The following PTGIS variants were observed in gnomAD, a reference collection of about 807,000 sequenced individuals.
PTGIS encodes prostacyclin synthase.
In PTGIS, 45 loss-of-function variants were observed where a neutral mutation model predicts 50.3. That is an observed-to-expected ratio of 0.90 (90% CI 0.70 to 1.15). The LOEUF is 1.15. PTGIS is among the 50% of genes most tolerant of loss of function. The probability of loss-of-function intolerance (pLI) is 0.00; values close to 1 mark genes in which losing one functional copy is unlikely to be tolerated. For synonymous variants in PTGIS, 260 were observed against 267.7 expected (o/e 0.97, Z 0.28); for missense variants, 668 against 661.3 (o/e 1.01, Z -0.11).
At chr20:49,521,430 T>A (rs745689125) in intron 6 of PTGIS, among the ~76,000 whole-genome samples, 1 of 152,150 alleles carries the variant, frequency 6.6e-6, no homozygotes, top group Non-Finnish European at 1.5e-5. Context: ...TCAGAGGACA[T>A]CTTGTCCCCA....
intron 6 of PTGIS, among the ~76,000 whole-genome samples, chr20:49,523,196 AT>A (rs1485115371): frequency 2.0e-5 from 3 of 152,240 alleles, no homozygotes; most frequent in Non-Finnish European, 4.4e-5. Flanking sequence ...ATTTGGGCTC[AT>A]TATCCTGAAA....
intron 6 of PTGIS, among the ~76,000 whole-genome samples, chr20:49,518,920 C>T (rs1981570522): frequency 6.6e-6 from 1 of 152,184 alleles, no homozygotes; most frequent in African/African-American, 2.4e-5. Flanking sequence ...CTCAGGACCA[C>T]CCAGGAATTT....
intron 6 of PTGIS, among the ~76,000 whole-genome samples, chr20:49,522,674 A>T (rs1981681534): frequency 6.6e-6 from 1 of 152,210 alleles, no homozygotes; most frequent in Non-Finnish European, 1.5e-5. Context: ...TGGTCTGCAC[A>T]CTTCAAAAAA....
chr20:49,562,836 G>T (rs906796822), intron 1 of PTGIS, among the ~76,000 whole-genome samples: 7 of 152,206 alleles, frequency 4.6e-5, no homozygotes, highest in African/African-American at 1.7e-4. Flanking sequence ...TCAAGGATGG[G>T]ATGTCACCCG....
At chr20:49,542,896 T>G (rs748831) in intron 4 of PTGIS, among the ~76,000 whole-genome samples, 3,172 of 152,150 alleles carry the variant, frequency 0.021, 107 homozygotes, top group African/African-American at 0.073. Flanking sequence ...AAATGGAATA[T>G]GTAAAGTCCT....
intron 6 of PTGIS, among the ~76,000 whole-genome samples, chr20:49,518,668 C>A (rs1318347962): frequency 3.5e-4 from 50 of 144,534 alleles, no homozygotes; most frequent in South Asian, 2.0e-3. Flanking sequence ...AAAAAAAAAA[C>A]AAACAAAAAA....
At position 49,558,319 on chromosome 20, in the gene PTGIS, G is replaced by C. The variant is rs1982672683; in HGVS notation, c.75-8130C>G. ...TTGGGGGATCACTTGAGCCTGGGAG[G>C]TGGAAGCTATAATGAGCTGTGACTG... On this transcript the variant is annotated intron_variant, in intron 1 of 9. Transcript: ENST00000244043. 3.3e-5 allele frequency among the ~76,000 whole-genome samples: 5 copies of C among 152,166 alleles called. No homozygotes were observed. In the South Asian group the frequency reaches 1.0e-3, roughly 32 times the overall value.
At chr20:49,523,095 T>C (rs1182915333) in intron 6 of PTGIS, among the ~76,000 whole-genome samples, 6 of 152,106 alleles carry the variant, frequency 3.9e-5, no homozygotes, top group Non-Finnish European at 7.4e-5. Context: ...TGATTCTGGA[T>C]TGGATGCTGG....
intron 6 of PTGIS, among the ~76,000 whole-genome samples, chr20:49,517,453 AGTGTGTGT>A (rs34021649): frequency 4.9e-4 from 73 of 149,252 alleles, no homozygotes; most frequent in African/African-American, 1.5e-3. Context: ...TGTGAGTGTG[AGTGTGTGT>A]GTGTGTGTGT....
At chr20:49,561,078 C>T (rs1982762609) in intron 1 of PTGIS, among the ~76,000 whole-genome samples, 1 of 152,146 alleles carries the variant, frequency 6.6e-6, no homozygotes, top group African/African-American at 2.4e-5. Flanking sequence ...CTGAGTCTCC[C>T]ACTTTCAGCA....
intron 5 of PTGIS, among the ~76,000 whole-genome samples, chr20:49,532,483 C>A (rs1424004264): frequency 6.6e-6 from 1 of 152,134 alleles, no homozygotes; most frequent in East Asian, 1.9e-4. Flanking sequence ...CTCAGCATCT[C>A]AGTTTTCTTG....
chr20:49,540,916 G>A lies in PTGIS; in HGVS notation c.522-1195C>T, dbSNP rs1435208407. On this transcript the variant is annotated intron_variant, in intron 4 of 9. Coordinates refer to ENST00000244043, the MANE Select transcript of PTGIS (RefSeq NM_000961.4). This position sits in a 1 kb window ranked among gnomAD's most constrained non-coding sequence, Gnocchi z 4.8. The stretch of plus-strand genomic sequence containing the variant: ...TGGATCCCTGTGCAGACAAAGACCA[G>A]AGACCAGGATCTCTCAGGAGAGGGG... Among the ~76,000 whole-genome samples, 1 of 152,204 alleles carries A rather than the reference G, an allele frequency of 6.6e-6. No homozygotes were observed. Among genetic ancestry groups the A allele is most frequent in the African/African-American group, 2.4e-5 (1 of 41,446 alleles).
intron 5 of PTGIS, among the ~76,000 whole-genome samples, chr20:49,531,769 G>A (rs2122865763): frequency 6.6e-6 from 1 of 152,284 alleles, no homozygotes; most frequent in African/African-American, 2.4e-5. Context: ...TGAGACTACA[G>A]GTGTGAGCCA....
chr20:49,515,428 G>A (rs1981450563), intron 6 of PTGIS, among the ~76,000 whole-genome samples: 1 of 152,150 alleles, frequency 6.6e-6, no homozygotes, highest in Non-Finnish European at 1.5e-5. Context: ...ATGTGTATAT[G>A]GCACCCTTTA....
intron 6 of PTGIS, among the ~76,000 whole-genome samples, chr20:49,519,258 C>T (rs1278566592): frequency 6.6e-6 from 1 of 151,910 alleles, no homozygotes; most frequent in African/African-American, 2.4e-5. Context: ...CCATCACTCT[C>T]GATTCCAGGT....
chr20:49,511,122 T>C lies in PTGIS; in HGVS notation c.1264A>G (p.Lys422Glu), dbSNP rs890890308. Residue 422 changes from lysine (K) to glutamate (E), a missense_variant, in exon 9 of 10, where the codon AAG becomes GAG. Transcript: ENST00000244043. ...TAATTCTTCAGCCGTTTCCCATCCT[T>C]GTAAAAGTCTTTCTTCTCTGATCCG... ...PDGSEKKDFY[K>E]DGKRLKNYNM... is the part of the protein sequence containing the mutation. 10 of 1,614,104 alleles carry C rather than the reference T, an allele frequency of 6.2e-6. No homozygotes were observed. The highest frequency in any genetic ancestry group is 8.5e-6 in the Non-Finnish European group (10 of 1,180,044).
chr20:49,553,499 G>A (rs1427642002), intron 1 of PTGIS, among the ~76,000 whole-genome samples: 1 of 150,656 alleles, frequency 6.6e-6, no homozygotes, highest in African/African-American at 2.4e-5. Flanking sequence ...TTAGGTAAAT[G>A]TAATGAAATA....
rs866997242 is a variant in PTGIS, at chr20:49,538,343, C to T, written c.673+1227G>A. On this transcript the variant is annotated intron_variant, in intron 5 of 9. Coordinates refer to ENST00000244043, the MANE Select transcript of PTGIS (RefSeq NM_000961.4). ...CTTTGGGAGGCCAAGGCAGGAGGAT[C>T]GCTTGAGCCCAGGAGTTCAAGACCA... Among the ~76,000 whole-genome samples the T allele has an allele frequency of 1.5e-4, 22 of 143,262 alleles. 1 individual carries two copies. Among genetic ancestry groups the T allele is most frequent in the Admixed American group, 5.6e-4 (8 of 14,322 alleles). 94.0% of individuals were successfully genotyped at this position (143,262 alleles called of 152,430 possible).
chr20:49,539,515 C>T, intron 5 of PTGIS, 55 bp downstream of exon 5: 17 of 1,583,032 alleles, frequency 1.1e-5, no homozygotes, highest in Non-Finnish European at 1.5e-5. Context: ...ATTGGGCTCC[C>T]CCTCTGGGTC....
Sources: allele counts gnomAD v4.1 joint callset (sites outside exome capture counted in the v4.1 genomes callset), GRCh38; gene constraint gnomAD v4.1.1; non-coding constraint Gnocchi (gnomAD v3.1); transcripts MANE v1.5; gene names NCBI Gene and HGNC (gene_info 2026-07-23, HGNC 2026-07-21).